Variants in NHSL2 observed in about 807,000 individuals in gnomAD.
NHSL2 encodes the protein NHS-like protein 2.
NHSL2 carries 27 observed loss-of-function variants against 53.4 expected under a neutral mutation model. The observed-to-expected ratio is 0.51, with a 90% CI of 0.37 to 0.70. The LOEUF (loss-of-function observed/expected upper bound fraction) is 0.70, where lower values mean the gene tolerates loss of function less well. Ranked by LOEUF, NHSL2 falls within the 30% of genes least tolerant of loss-of-function variation. The probability of loss-of-function intolerance (pLI) is 0.00; values close to 1 mark genes in which losing one functional copy is unlikely to be tolerated. For synonymous variants in NHSL2, 408 were observed against 404.1 expected (o/e 1.01, Z -0.12); for missense variants, 892 against 980.1 (o/e 0.91, Z 1.20).
intron 1 of NHSL2, among the ~76,000 whole-genome samples, chrX:72,119,993 G>A (rs962276783): frequency 1.8e-5 from 2 of 112,114 alleles, no homozygotes; most frequent in Non-Finnish European, 3.8e-5. Flanking sequence ...TTAGTCTATC[G>A]ATATGGTGTA....
intron 1 of NHSL2, among the ~76,000 whole-genome samples, chrX:72,024,210 A>C (rs990302208): frequency 8.9e-6 from 1 of 111,934 alleles, no homozygotes; most frequent in Non-Finnish European, 1.9e-5. Context: ...ATTTGTTAGA[A>C]GTTTGTAGGA....
intron 1 of NHSL2, among the ~76,000 whole-genome samples, chrX:71,974,489 G>A (rs1008290243): frequency 1.8e-5 from 2 of 112,459 alleles, no homozygotes; most frequent in African/African-American, 6.5e-5. Flanking sequence ...GATCCCTGGA[G>A]CAGCAGAAAT....
At chrX:72,105,307 T>C (rs1360740561) in intron 1 of NHSL2, among the ~76,000 whole-genome samples, 1 of 111,051 alleles carries the variant, frequency 9.0e-6, no homozygotes, top group Non-Finnish European at 1.9e-5. Flanking sequence ...CAAGGTCTGG[T>C]GTTCTAGTCA....
intron 1 of NHSL2, chrX:72,130,197 A>G (rs936438936): frequency 3.3e-6 from 4 of 1,207,826 alleles, no homozygotes; most frequent in Non-Finnish European, 4.5e-6. Flanking sequence ...CCACCTCACC[A>G]TAGGTCTCCT....
chrX:72,008,219 G>A (rs1023607374), intron 1 of NHSL2, among the ~76,000 whole-genome samples: 1 of 112,712 alleles, frequency 8.9e-6, no homozygotes, highest in Non-Finnish European at 1.9e-5. Flanking sequence ...CCCACACTCT[G>A]TTCTGACTGA....
At chrX:72,055,961 GTTA>G (rs770722715) in intron 1 of NHSL2, among the ~76,000 whole-genome samples, 43 of 112,064 alleles carry the variant, frequency 3.8e-4, no homozygotes, top group African/African-American at 1.4e-3. Context: ...TTCCACTTTT[GTTA>G]TTGTTGTTGT....
At chrX:71,997,617 G>T (rs983755628) in intron 1 of NHSL2, among the ~76,000 whole-genome samples, 1 of 112,416 alleles carries the variant, frequency 8.9e-6, no homozygotes. Context: ...GGCCCATACT[G>T]CCTGGCTCTG....
intron 1 of NHSL2, among the ~76,000 whole-genome samples, chrX:71,953,959 T>C (rs1386520768): frequency 1.8e-5 from 2 of 112,165 alleles, no homozygotes; most frequent in Admixed American, 1.9e-4. Flanking sequence ...CTTTTCTCGT[T>C]TTGCTCCTCA....
intron 1 of NHSL2, among the ~76,000 whole-genome samples, chrX:72,057,321 A>G (rs1398332349): frequency 8.9e-6 from 1 of 112,113 alleles, no homozygotes; most frequent in African/African-American, 3.2e-5. Context: ...ATGGTTTGAT[A>G]CATGCTGTTG....
rs770173580 is a variant in NHSL2 at position 72,143,312 on chromosome X, C to T, written c.3416C>T (p.Thr1139Met). The change falls in exon 8 of 8, where the codon ACG becomes ATG. Residue 1139 changes from threonine to methionine, a missense_variant. Thr to Met is a moderately conservative substitution (Grantham distance 81). Coordinates refer to ENST00000633930, the MANE Select transcript of NHSL2 (RefSeq NM_001013627.3). ...EPGEAFVGGR[T>M]SSHSPIKNTA... Reference sequence around the variant, plus strand: ...GGTGAGGCCTTTGTGGGTGGCAGAACGAGTTCCCACTCACCAATAAAGAAC... The same window carrying T: ...GGTGAGGCCTTTGTGGGTGGCAGAATGAGTTCCCACTCACCAATAAAGAAC... 12 of 1,163,985 alleles carry T rather than the reference C, an allele frequency of 1.0e-5. No individual in the cohort carries two copies. Among genetic ancestry groups the T allele is most frequent in the South Asian group, 1.9e-5 (1 of 52,365 alleles).
intron 1 of NHSL2, among the ~76,000 whole-genome samples, chrX:72,076,718 A>G (rs1313545542): frequency 1.8e-5 from 2 of 112,436 alleles, no homozygotes; most frequent in Non-Finnish European, 3.8e-5. Flanking sequence ...TCAGCTCCTC[A>G]TCACCCCTAG....
At chrX:72,027,708 T>A (rs1285786834) in intron 1 of NHSL2, 1 of 111,045 alleles carries the variant, frequency 9.0e-6, no homozygotes, top group Non-Finnish European at 1.9e-5. Context: ...AGGTACGTGG[T>A]CTGGACATTT....
rs751233956 is a variant in NHSL2 at position 72,134,663 on chromosome X, T to C, written c.719T>C (p.Leu240Pro). 2.6e-6 allele frequency: 3 copies of C among 1,166,413 alleles called. No homozygotes were observed. In the East Asian group the frequency reaches 9.8e-5, roughly 38 times the overall value. Reference sequence around the variant, plus strand: ...CTAGAGGAGAAGCGGTGGCCTCAGCTTTGCTCCACGCAGTCTGACATTGTG... The same window carrying C: ...CTAGAGGAGAAGCGGTGGCCTCAGCCTTGCTCCACGCAGTCTGACATTGTG... The part of the protein sequence containing the change: ...PILEEKRWPQ[L>P]CSTQSDIVPI... Residue 240 changes from leucine to proline, a missense_variant, in exon 4 of 8, where the codon CTT becomes CCT. Coordinates refer to ENST00000633930, the MANE Select transcript of NHSL2 (RefSeq NM_001013627.3).
At chrX:71,913,239 A>G (rs959242051) in intron 1 of NHSL2, among the ~76,000 whole-genome samples, 2 of 111,273 alleles carry the variant, frequency 1.8e-5, no homozygotes, top group African/African-American at 6.5e-5. Flanking sequence ...TTCTGGTCTA[A>G]TGCCCTACCC....
At chrX:72,000,098 A>G in intron 1 of NHSL2, among the ~76,000 whole-genome samples, 1 of 112,251 alleles carries the variant, frequency 8.9e-6, no homozygotes, top group Non-Finnish European at 1.9e-5. Flanking sequence ...GTATATTTAT[A>G]TATACGTTTG....
At chrX:71,977,664 C>T (rs758015299) in intron 1 of NHSL2, among the ~76,000 whole-genome samples, 1 of 111,361 alleles carries the variant, frequency 9.0e-6, no homozygotes, top group Non-Finnish European at 1.9e-5. Flanking sequence ...CCACCCTCCT[C>T]GGCCTCCCAG....
intron 1 of NHSL2, among the ~76,000 whole-genome samples, chrX:72,092,446 T>G (rs1156249748): frequency 8.9e-6 from 1 of 111,767 alleles, no homozygotes; most frequent in Non-Finnish European, 1.9e-5. Context: ...AACATTCTTA[T>G]CAGCCTGAGT....
chrX:71,988,303 A>G (rs1246873328), intron 1 of NHSL2, among the ~76,000 whole-genome samples: 1 of 111,520 alleles, frequency 9.0e-6, no homozygotes, highest in Non-Finnish European at 1.9e-5. Context: ...CCCTTTAGGG[A>G]GGAAAAAGCT....
intron 1 of NHSL2, among the ~76,000 whole-genome samples, chrX:72,071,735 C>T (rs375326569): frequency 1.6e-4 from 18 of 112,058 alleles, no homozygotes; most frequent in South Asian, 7.4e-4. Flanking sequence ...CTTCCATTTT[C>T]GCTTAGTGAC....
Sources: allele counts gnomAD v4.1 joint callset (sites outside exome capture counted in the v4.1 genomes callset), GRCh38; gene constraint gnomAD v4.1.1; transcripts MANE v1.5; gene names NCBI Gene and HGNC (gene_info 2026-07-23, HGNC 2026-07-21).